The following XPO7 variants were observed in gnomAD, a reference collection of about 807,000 sequenced individuals.
XPO7 encodes exportin 7.
Under a neutral mutation model 144.3 loss-of-function variants are expected in XPO7, and 21 were observed. That is an observed-to-expected ratio of 0.15 (90% CI 0.10 to 0.21). The LOEUF (loss-of-function observed/expected upper bound fraction) is 0.21. XPO7 is among the 10% of genes least tolerant of loss of function. The pLI is 1.00. For synonymous variants in XPO7, 580 were observed against 499.6 expected (o/e 1.16, Z -2.15); for missense variants, 808 against 1,325.8 (o/e 0.61, Z 6.06).
At chr8:21,979,749 A>T (rs1812342783) in intron 8 of XPO7, among the ~76,000 whole-genome samples, 1 of 152,206 alleles carries the variant, frequency 6.6e-6, no homozygotes, top group Non-Finnish European at 1.5e-5. Context: ...ATAAGCACAT[A>T]ACATCTACAT....
Position 22,006,428 on chromosome 8 carries a change from C to T in XPO7, c.*1340C>T, listed in dbSNP as rs1013360586. On this transcript the variant is annotated 3_prime_UTR_variant, in exon 28 of 28. Coordinates refer to ENST00000252512, the MANE Select transcript of XPO7 (RefSeq NM_015024.5). The stretch of plus-strand genomic sequence containing the variant: ...TTTTATTTTTATTTCTTTCCTCTAC[C>T]CCCAGAAACAAGCCTGTTAATTTTT... 2 of 152,138 alleles carry T rather than the reference C, an allele frequency of 1.3e-5. No individual in the cohort carries two copies. Among genetic ancestry groups the T allele is most frequent in the African/African-American group, 4.8e-5 (2 of 41,422 alleles). 9.4% of individuals were successfully genotyped at this position (152,138 alleles called of 1,614,324 possible).
intron 5 of XPO7, among the ~76,000 whole-genome samples, chr8:21,972,890 A>G (rs1002055885): frequency 1.3e-5 from 2 of 152,216 alleles, no homozygotes; most frequent in Admixed American, 6.5e-5. Flanking sequence ...TTGGGAGTCC[A>G]TGTTGTGTTT....
intron 19 of XPO7, 37 bp from the exon 20 acceptor site, chr8:21,994,326 T>C (rs1563336922): frequency 1.9e-6 from 3 of 1,544,632 alleles, no homozygotes; most frequent in Non-Finnish European, 2.7e-6. Context: ...GTTTTGTCTT[T>C]TCTTCTATTT....
chr8:21,949,631 ACTTT>A (rs1253429809), intron 1 of XPO7, among the ~76,000 whole-genome samples: 2 of 152,176 alleles, frequency 1.3e-5, no homozygotes, highest in South Asian at 2.1e-4. Context: ...GTGGTTCATG[ACTTT>A]CTTTCCCCCA....
chr8:21,974,948 C>G (rs1412488707), intron 6 of XPO7, among the ~76,000 whole-genome samples, 174 bp downstream of exon 6: 1 of 152,206 alleles, frequency 6.6e-6, no homozygotes, highest in African/African-American at 2.4e-5. Flanking sequence ...AGAGTGACCA[C>G]TGAGGTTGGA....
At position 21,977,993 on chromosome 8, in the gene XPO7, T is replaced by C. The variant is rs1369165480; in HGVS notation, c.837+150T>C. 7.1e-6 allele frequency: 5 copies of C among 708,524 alleles called. No individual in the cohort carries two copies. In the African/African-American group the frequency reaches 9.1e-5, roughly 13 times the overall value. The allele number at this position is 708,524 out of a possible 1,614,324, so 43.9% of individuals were successfully genotyped here. Reference sequence around the variant, plus strand: ...ATCTAGTCTTTTGAGATTAAGCTTGTAGCCTAAAGGTTCCAGCCATAAAGT... The same window carrying C: ...ATCTAGTCTTTTGAGATTAAGCTTGCAGCCTAAAGGTTCCAGCCATAAAGT... On this transcript the variant is annotated intron_variant, in intron 8 of 27. Coordinates refer to ENST00000252512, the MANE Select transcript of XPO7 (RefSeq NM_015024.5).
At chr8:21,971,460 C>T (rs1202861317) in intron 4 of XPO7, among the ~76,000 whole-genome samples, 1 of 152,102 alleles carries the variant, frequency 6.6e-6, no homozygotes, top group Non-Finnish European at 1.5e-5. Context: ...TTATTTATTG[C>T]TTATATTTGT....
At chr8:21,982,928 C>T in intron 11 of XPO7, 116 bp downstream of exon 11, 2 of 1,270,154 alleles carry the variant, frequency 1.6e-6, no homozygotes, top group Non-Finnish European at 2.1e-6. Context: ...GGAGCCACTA[C>T]TGTTCATGGT....
At chr8:21,961,431 G>A (rs745477908) in intron 1 of XPO7, among the ~76,000 whole-genome samples, 14 of 151,932 alleles carry the variant, frequency 9.2e-5, no homozygotes, top group Admixed American at 2.6e-4. Context: ...GCTCAGGCTG[G>A]TTCTGAACTC....
intron 19 of XPO7, among the ~76,000 whole-genome samples, chr8:21,992,520 G>A (rs923053978): frequency 1.3e-5 from 2 of 152,020 alleles, no homozygotes; most frequent in Non-Finnish European, 1.5e-5. Context: ...ACTTAGAAAG[G>A]TTTAAGAATT....
chr8:21,933,770 G>C (rs1314168417), intron 1 of XPO7, among the ~76,000 whole-genome samples: 3 of 152,140 alleles, frequency 2.0e-5, no homozygotes, highest in Non-Finnish European at 4.4e-5. Flanking sequence ...ATGGTATTCA[G>C]AATAGTAACT....
At chr8:21,992,062 C>T in intron 19 of XPO7, 88 bp downstream of exon 19, 1 of 908,636 alleles carries the variant, frequency 1.1e-6, no homozygotes, top group Non-Finnish European at 1.7e-6. Context: ...AAACTATCCA[C>T]TGCCATAGCT....
intron 1 of XPO7, among the ~76,000 whole-genome samples, chr8:21,950,240 A>T (rs1416914339): frequency 6.6e-6 from 1 of 152,240 alleles, no homozygotes; most frequent in Admixed American, 6.5e-5. Flanking sequence ...TCACCAAAGC[A>T]GGAACAGAAA....
chr8:21,963,767 A>G (rs1811801502), intron 1 of XPO7, among the ~76,000 whole-genome samples: 1 of 152,174 alleles, frequency 6.6e-6, no homozygotes, highest in Non-Finnish European at 1.5e-5. Flanking sequence ...AATCTGAGGT[A>G]TTCTGCTTTG....
intron 1 of XPO7, among the ~76,000 whole-genome samples, chr8:21,947,932 T>C (rs191062528): frequency 2.0e-5 from 3 of 152,144 alleles, no homozygotes; most frequent in Admixed American, 1.3e-4. Context: ...AACTATAGGA[T>C]AAAACTACAA....
chr8:21,966,406 A>C (rs1811886041), intron 1 of XPO7: 2 of 712,670 alleles, frequency 2.8e-6, no homozygotes, highest in African/African-American at 1.8e-5. Context: ...AATAACTACT[A>C]CTCAAAGGAA....
rs142140149 is a variant in XPO7 at position 21,999,046 on chromosome 8, C to T, written c.2429-45C>T. The T allele has an allele frequency of 7.3e-4, 1,175 of 1,604,166 alleles. 17 individuals are homozygous for T. In the East Asian group the frequency reaches 0.022, roughly 30 times the overall value. On this transcript the variant is annotated intron_variant, in intron 22 of 27. Transcript: ENST00000252512. The stretch of plus-strand genomic sequence containing the variant: ...GAGTAGGAAGGCTGATCTAAACGAG[C>T]GCTTCTAATGTGGTTGAATAAACAT...
At chr8:21,929,821 A>G (rs1444183303) in intron 1 of XPO7, among the ~76,000 whole-genome samples, 1 of 152,178 alleles carries the variant, frequency 6.6e-6, no homozygotes, top group Non-Finnish European at 1.5e-5. Flanking sequence ...AGGGGCAGGC[A>G]TAACTGACTC....
chr8:21,983,468 G>T (rs1383280146), intron 11 of XPO7, among the ~76,000 whole-genome samples: 2 of 152,206 alleles, frequency 1.3e-5, no homozygotes, highest in African/African-American at 4.8e-5. Flanking sequence ...GCCTTTTTAA[G>T]TTGGATTCTT....
Sources: allele counts gnomAD v4.1 joint callset (sites outside exome capture counted in the v4.1 genomes callset), GRCh38; gene constraint gnomAD v4.1.1; transcripts MANE v1.5; gene names NCBI Gene and HGNC (gene_info 2026-07-23, HGNC 2026-07-21).